MPP2: variants seen among roughly 807,000 people sequenced by gnomAD.
MPP2 encodes the protein MAGUK p55 subfamily member 2.
Under a neutral mutation model 58.5 loss-of-function variants are expected in MPP2, and 42 were observed. The observed-to-expected ratio is 0.72, with a 90% CI of 0.56 to 0.93. The LOEUF (loss-of-function observed/expected upper bound fraction) is 0.93. Among genes scored for constraint, MPP2 ranks in the 40% least tolerant of loss-of-function variants. MPP2 has a pLI of 0.00. For missense variants in MPP2, 632 were observed against 760.4 expected (o/e 0.83, Z 1.99); for synonymous variants, 300 against 307.8 (o/e 0.97, Z 0.26).
chr17:43,893,725 G>A (rs1202895495), intron 3 of MPP2, among the ~76,000 whole-genome samples: 1 of 152,172 alleles, frequency 6.6e-6, no homozygotes, highest in Non-Finnish European at 1.5e-5. Flanking sequence ...AATGCCTGAT[G>A]ATCTGAGTGG....
chr17:43,886,316 G>C (rs1190595823), intron 3 of MPP2, among the ~76,000 whole-genome samples: 4 of 151,498 alleles, frequency 2.6e-5, no homozygotes, highest in Admixed American at 1.3e-4. Flanking sequence ...ACAGAGTCTT[G>C]CTCTGTCACC....
chr17:43,879,909 G>A lies in MPP2; in HGVS notation c.1226C>T (p.Ala409Val). 1.9e-6 allele frequency: 3 copies of A among 1,614,082 alleles called. No individual in the cohort carries two copies. The highest frequency in any genetic ancestry group is 1.1e-5 in the South Asian group (1 of 91,078). ...YSFVSRGEMEADVRAGRYLEH... is the reference protein window; with the variant it reads ...YSFVSRGEMEVDVRAGRYLEH... Reference sequence around the variant, plus strand: ...CAGGTAGCGCCCAGCACGGACGTCAGCCTCCATCTCCCCACGGGACACAAA... The same window carrying A: ...CAGGTAGCGCCCAGCACGGACGTCAACCTCCATCTCCCCACGGGACACAAA... The change falls in exon 11 of 13, where the codon GCT becomes GTT. Residue 409 changes from alanine to valine, a missense_variant. Physicochemically the swap from Ala to Val is moderately conservative, Grantham distance 64 (BLOSUM62 0). Coordinates refer to ENST00000269095, the MANE Select transcript of MPP2 (RefSeq NM_005374.5). This position sits in a 1 kb window ranked among gnomAD's most constrained non-coding sequence, Gnocchi z 4.1.
At position 43,880,936 on chromosome 17, in the gene MPP2, C is replaced by T; in HGVS notation, c.989-84G>A. ...CTCAGGGAGGCTGAGGGCAAGAGGG[C>T]TTGGAACAGGGGAGCAGGGGGGAGT... On this transcript the variant is annotated intron_variant, in intron 9 of 12. Coordinates refer to ENST00000269095, the MANE Select transcript of MPP2 (RefSeq NM_005374.5). The surrounding 1 kb of genome is among the most constrained non-coding windows in gnomAD (Gnocchi z 5.2). 14 of 1,549,360 alleles carry T rather than the reference C, an allele frequency of 9.0e-6. No individual in the cohort carries two copies. The highest frequency in any genetic ancestry group is 5.3e-5 in the Admixed American group (3 of 56,260).
chr17:43,897,341 C>A (rs960181675), intron 3 of MPP2, among the ~76,000 whole-genome samples: 6 of 152,084 alleles, frequency 3.9e-5, no homozygotes, highest in Middle Eastern at 3.2e-3. Flanking sequence ...ATTAGCTGGG[C>A]GTGGTGGCAC....
chr17:43,882,977 T>C lies in MPP2; in HGVS notation c.379A>G (p.Thr127Ala), dbSNP rs1410228524. Residue 127 changes from threonine (T) to alanine (A), a missense_variant, in exon 5 of 13, where the codon ACA becomes GCA. By Grantham distance (58) the Thr-to-Ala change is moderately conservative. Transcript: ENST00000269095. ...GGAGGTACAGGCTGGTTGCTGAATG[T>C]AGGGTCCAGGCCAGGGCTGGGGGGT... ...TPPPSPGLDP[T>A]FSNQPVPPDA... is the part of the protein sequence containing the mutation. 3.1e-6 allele frequency: 5 copies of C among 1,614,050 alleles called. No individual in the cohort carries two copies. In the South Asian group the frequency reaches 3.3e-5, roughly 11 times the overall value.
In MPP2 at chr17:43,900,740, G is replaced by A. The variant is rs532086051; in HGVS notation, c.32-2360C>T. On this transcript the variant is annotated intron_variant, in intron 2 of 12. Transcript: ENST00000269095. ...GCTAAAGCCCTGACTGGCGCTGCGC[G>A]GTGCAGAGCAGGCGGTAACCCGGGT... is the stretch of plus-strand genomic sequence containing the variant. 7.9e-5 allele frequency: 85 copies of A among 1,074,646 alleles called. No homozygotes were observed. The African/African-American group carries it at 1.3e-3, about 16-fold the overall frequency. The allele number at this position is 1,074,646 out of a possible 1,614,324, so 66.6% of individuals were successfully genotyped here. A position where few individuals can be genotyped will look rare whatever the true frequency, so the allele number is the denominator to read the frequency against.
At position 43,882,380 on chromosome 17, in the gene MPP2, A is replaced by G. The variant is rs80313462; in HGVS notation, c.585T>C (p.Ser195=). The G allele has an allele frequency of 5.5e-5, 88 of 1,612,254 alleles. No individual in the cohort carries two copies. In the African/African-American group the frequency reaches 9.9e-4, roughly 18 times the overall value. ...GGAGCTCCTGCAGTGCGCGGGGGTC[A>G]CTGCCCACTGGCTGCCCGTTCACCT... ...IKEVNGQPVG[S]DPRALQELLR... is the part of the protein sequence containing the mutation. Residue 195 remains serine (S), a synonymous_variant, in exon 6 of 13, where the codon AGT becomes AGC. Transcript: ENST00000269095.
At chr17:43,882,780 C>G (rs2047195737) in intron 5 of MPP2, 123 bp downstream of exon 5, 3 of 1,428,356 alleles carry the variant, frequency 2.1e-6, no homozygotes, top group Non-Finnish European at 2.9e-6. Flanking sequence ...ATCAATCCTT[C>G]CCTGCACAAA....
In MPP2 at chr17:43,879,720, G is replaced by C. The variant is rs1245699160; in HGVS notation, c.1353+62C>G. The stretch of plus-strand genomic sequence containing the variant: ...GGTGACAGGTGTCTGGAACTATATG[G>C]GGGAGCAATGAGGCAGCAGAGAGGA... On this transcript the variant is annotated intron_variant, in intron 11 of 12. Transcript: ENST00000269095. The surrounding 1 kb of genome is among the most constrained non-coding windows in gnomAD (Gnocchi z 4.1). The C allele has an allele frequency of 2.5e-6, 4 of 1,571,010 alleles. No individual in the cohort carries two copies. The highest frequency in any genetic ancestry group is 3.5e-6 in the Non-Finnish European group (4 of 1,149,306).
chr17:43,898,346 G>A lies in MPP2; in HGVS notation c.66C>T (p.Leu22=), dbSNP rs763830149. 6.2e-7 allele frequency: 1 copy of A among 1,614,172 alleles called. No homozygotes were observed. The highest frequency in any genetic ancestry group is 1.1e-5 in the South Asian group (1 of 91,082). ...MQQVLDNLGS[L]PSATGAAELD... is the part of the protein sequence containing the mutation. ...GCTCTGCAGCCCCCGTGGCACTGGG[G>A]AGGGATCCCAAGTTGTCCAGGACTT... is the stretch of plus-strand genomic sequence containing the variant. Residue 22 remains leucine (L), a synonymous_variant, in exon 3 of 13, where the codon CTC becomes CTT. Coordinates refer to ENST00000269095, the MANE Select transcript of MPP2 (RefSeq NM_005374.5).
intron 3 of MPP2, among the ~76,000 whole-genome samples, chr17:43,887,779 T>G (rs1215750527): frequency 1.4e-5 from 2 of 145,912 alleles, no homozygotes; most frequent in Admixed American, 7.2e-5. Context: ...AAAATTTTTT[T>G]AATTAAAAAA....
rs1449709848 is a variant in MPP2, at chr17:43,876,460, G to A, written c.*1347C>T. 1 of 152,228 alleles carries A rather than the reference G, an allele frequency of 6.6e-6. No homozygotes were observed. The highest frequency in any genetic ancestry group is 1.9e-4 in the East Asian group (1 of 5,194). 9.4% of individuals were successfully genotyped at this position (152,228 alleles called of 1,614,324 possible). On this transcript the variant is annotated 3_prime_UTR_variant, in exon 13 of 13. Coordinates refer to ENST00000269095, the MANE Select transcript of MPP2 (RefSeq NM_005374.5). ...CTGCCCTCCCCAAGTTATGGCAGGGGGGCATTTAGGGTAGGGGGACAATAA... is the reference window on the plus strand; with the variant it reads ...CTGCCCTCCCCAAGTTATGGCAGGGAGGCATTTAGGGTAGGGGGACAATAA...
Position 43,877,825 on chromosome 17 carries a change from A to G in MPP2, c.1641T>C (p.Pro547=). ...AACAGGCTCAGTACACCCAGCTGAC[A>G]GGCACCCACTGGGGCTCTGTCCGTA... The part of the protein sequence containing the change: ...EKLRTEPQWV[P]VSWVY The change falls in exon 13 of 13, where the codon CCT becomes CCC. Residue 547 remains proline, a synonymous_variant. Transcript: ENST00000269095. The G allele has an allele frequency of 6.2e-7, 1 of 1,613,836 alleles. No homozygotes were observed. Among genetic ancestry groups the G allele is most frequent in the Non-Finnish European group, 8.5e-7 (1 of 1,179,794 alleles).
chr17:43,882,440 T>C lies in MPP2; in HGVS notation c.525A>G (p.Gln175=), dbSNP rs124721. ...TGTCACCCACATGCAGCAGGCCTTG[T>C]TGAGCCACCATGCCCCCATGCAGAA... The part of the protein sequence containing the change: ...ARILHGGMVA[Q]QGLLHVGDII... The change falls in exon 6 of 13, where the codon CAA becomes CAG. Residue 175 remains glutamine (Q), a synonymous_variant. Transcript: ENST00000269095. The C allele has an allele frequency of 0.87, 1,407,049 of 1,609,256 alleles. 616,126 individuals carry two copies. The highest frequency in any genetic ancestry group is 1 in the East Asian group (44,856 of 44,872).
At position 43,883,197 on chromosome 17, in the gene MPP2, A is replaced by G. The variant is rs2143579658; in HGVS notation, c.303+6T>C. 1 of 1,600,706 alleles carries G rather than the reference A, an allele frequency of 6.2e-7. No homozygotes were observed. Among genetic ancestry groups the G allele is most frequent in the East Asian group, 2.3e-5 (1 of 44,408 alleles). Reference sequence around the variant, plus strand: ...CTCCCTCACCCCAGCCCTAGCAGCCAGGAACCTGGAAGTGGGGCTCCTGGA... The same window carrying G: ...CTCCCTCACCCCAGCCCTAGCAGCCGGGAACCTGGAAGTGGGGCTCCTGGA... On this transcript the variant is annotated splice_donor_region_variant and intron_variant, in intron 4 of 12. Transcript: ENST00000269095.
intron 3 of MPP2, among the ~76,000 whole-genome samples, chr17:43,896,792 C>A (rs992578406): frequency 6.6e-6 from 1 of 152,176 alleles, no homozygotes; most frequent in Non-Finnish European, 1.5e-5. Context: ...TCTTCCTGCT[C>A]CATCTCTGAT....
intron 3 of MPP2, among the ~76,000 whole-genome samples, chr17:43,893,715 A>G (rs2047700728): frequency 6.6e-6 from 1 of 152,168 alleles, no homozygotes; most frequent in South Asian, 2.1e-4. Flanking sequence ...AAGTCTAACA[A>G]ATGCCTGATG....
Position 43,881,733 on chromosome 17 carries a change from A to G in MPP2, c.682-144T>C, listed in dbSNP as rs112626920. ...AGGAGTGATGCCTCCAGGCCTGCCC[A>G]TGCTCCTCCCTGGTGCCAACCTCCC... On this transcript the variant is annotated intron_variant, in intron 6 of 12. Coordinates refer to ENST00000269095, the MANE Select transcript of MPP2 (RefSeq NM_005374.5). The G allele has an allele frequency of 8.3e-3, 9,234 of 1,106,546 alleles. 158 individuals are homozygous for G. Among genetic ancestry groups the G allele is most frequent in the African/African-American group, 0.066 (4,163 of 62,750 alleles). The allele number at this position is 1,106,546 out of a possible 1,614,324, so 68.5% of individuals were successfully genotyped here. A position where few individuals can be genotyped will look rare whatever the true frequency, so the allele number is the denominator to read the frequency against.
chr17:43,879,688 G>T lies in MPP2; in HGVS notation c.1353+94C>A. The T allele has an allele frequency of 7.2e-7, 1 of 1,391,396 alleles. No homozygotes were observed. Among genetic ancestry groups the T allele is most frequent in the Non-Finnish European group, 9.9e-7 (1 of 1,008,500 alleles). The allele number at this position is 1,391,396 out of a possible 1,614,324, so 86.2% of individuals were successfully genotyped here. ...TTGAGGGCAAAGGGGGTACATGGGC[G>T]TGTTCAGGTGACAGGTGTCTGGAAC... On this transcript the variant is annotated intron_variant, in intron 11 of 12. Coordinates refer to ENST00000269095, the MANE Select transcript of MPP2 (RefSeq NM_005374.5). The surrounding 1 kb of genome is among the most constrained non-coding windows in gnomAD (Gnocchi z 4.1).
Sources: allele counts gnomAD v4.1 joint callset (sites outside exome capture counted in the v4.1 genomes callset), GRCh38; gene constraint gnomAD v4.1.1; non-coding constraint Gnocchi (gnomAD v3.1); transcripts MANE v1.5; gene names NCBI Gene and HGNC (gene_info 2026-07-23, HGNC 2026-07-21).